MICAL2: variants seen among roughly 807,000 people sequenced by gnomAD.
MICAL2 encodes the protein microtubule associated monooxygenase, calponin and LIM domain containing 2, also known as [F-actin]-monooxygenase MICAL2.
Under a neutral mutation model 127.3 loss-of-function variants are expected in MICAL2, and 77 were observed. The observed-to-expected ratio is 0.60, with a 90% CI of 0.50 to 0.73. The LOEUF (loss-of-function observed/expected upper bound fraction) is 0.73. MICAL2 is among the 30% of genes least tolerant of loss of function. MICAL2 has a pLI of 0.00. For synonymous variants in MICAL2, 570 were observed against 551.1 expected, an observed-to-expected ratio of 1.03 and a Z score of -0.48; for missense variants, 1,351 against 1,434.4, an observed-to-expected ratio of 0.94 and a Z score of 0.94.
chr11:12,205,248 C>T (rs758156751), intron 4 of MICAL2, among the ~76,000 whole-genome samples: 4 of 152,026 alleles, frequency 2.6e-5, no homozygotes, highest in Admixed American at 1.3e-4. Context: ...TCTGTGCAGA[C>T]GGGTTTTGGG....
At chr11:12,285,247 C>T (rs762743110) in intron 2 of MICAL2, among the ~76,000 whole-genome samples, 5 of 152,022 alleles carry the variant, frequency 3.3e-5, no homozygotes, top group Admixed American at 1.3e-4. Flanking sequence ...AACCTCTGAG[C>T]GCAGAGTCTG....
downstream of MICAL2, among the ~76,000 whole-genome samples, chr11:12,291,637 C>G (rs544371004): frequency 6.6e-6 from 1 of 152,348 alleles, no homozygotes; most frequent in East Asian, 1.9e-4. Context: ...TCTCAAACGA[C>G]TCTTCCTGTC....
At chr11:12,114,219 A>G (rs1045671929) in intron 1 of MICAL2, among the ~76,000 whole-genome samples, 4 of 152,168 alleles carry the variant, frequency 2.6e-5, no homozygotes, top group African/African-American at 9.7e-5. Context: ...TTCCTGAGAT[A>G]TTTTAAAGCA....
chr11:12,277,550 A>G (rs1438414679), intron 1 of MICAL2, among the ~76,000 whole-genome samples: 1 of 152,200 alleles, frequency 6.6e-6, no homozygotes, highest in Non-Finnish European at 1.5e-5. Flanking sequence ...AGGGGAATGC[A>G]GGAAGTGACA....
chr11:12,319,673 G>T, intron 29 of MICAL2: 1 of 1,535,582 alleles, frequency 6.5e-7, no homozygotes, highest in Non-Finnish European at 9.0e-7. Flanking sequence ...GCAGTTCATT[G>T]AGTTTTTCTG....
downstream of MICAL2, among the ~76,000 whole-genome samples, chr11:12,292,980 G>A (rs886230506): frequency 6.6e-6 from 1 of 152,174 alleles, no homozygotes; most frequent in African/African-American, 2.4e-5. Flanking sequence ...TTTCTCAGTG[G>A]TGCAATGTGG....
intron 3 of MICAL2, among the ~76,000 whole-genome samples, chr11:12,166,247 G>A (rs1253642814): frequency 6.6e-6 from 1 of 152,228 alleles, no homozygotes; most frequent in Non-Finnish European, 1.5e-5. Flanking sequence ...CTGAGGTCCA[G>A]AAAGCTGAAG....
At chr11:12,287,867 T>C (rs1184088333), downstream of MICAL2, among the ~76,000 whole-genome samples, 1 of 152,088 alleles carries the variant, frequency 6.6e-6, no homozygotes, top group Non-Finnish European at 1.5e-5. Context: ...AGACTCTTCA[T>C]CCAGTTCCAG....
chr11:12,327,451 C>A (rs568091078), intron 32 of MICAL2, among the ~76,000 whole-genome samples: 1 of 152,224 alleles, frequency 6.6e-6, no homozygotes, highest in Non-Finnish European at 1.5e-5. Context: ...TGGCCAAGAT[C>A]AAATGTAAAA....
In MICAL2 at chr11:12,135,381, G is replaced by A. The variant is rs887694768; in HGVS notation, c.-148-3009G>A. ...AGAGAGGTTAAGCAATTTGCCCAAA[G>A]TCACATAGCTAGTTAGGAGGAGAGC... On this transcript the variant is annotated intron_variant, in intron 1 of 27. Transcript: ENST00000683283. 6.6e-5 allele frequency among the ~76,000 whole-genome samples: 10 copies of A among 152,214 alleles called. 1 individual carries two copies. Among genetic ancestry groups the A allele is most frequent in the Middle Eastern group, 3.4e-3 (1 of 294 alleles).
At chr11:12,279,871 A>G (rs1035805529) in intron 1 of MICAL2, among the ~76,000 whole-genome samples, 3 of 152,200 alleles carry the variant, frequency 2.0e-5, no homozygotes, top group Admixed American at 6.5e-5. Context: ...CTGGGGCACC[A>G]TGACCAGCCA....
chr11:12,152,599 A>G (rs991581521), intron 2 of MICAL2, among the ~76,000 whole-genome samples: 1 of 151,988 alleles, frequency 6.6e-6, no homozygotes, highest in African/African-American at 2.4e-5. Context: ...ACAGGTGCAG[A>G]GTGGTGGGGG....
intron 3 of MICAL2, among the ~76,000 whole-genome samples, chr11:12,194,405 G>A (rs967591664): frequency 2.0e-5 from 3 of 152,124 alleles, no homozygotes; most frequent in African/African-American, 7.2e-5. Context: ...TTGCAGTGCG[G>A]GGACCCCTAC....
intron 2 of MICAL2, among the ~76,000 whole-genome samples, chr11:12,159,797 C>T (rs1413562495): frequency 6.6e-6 from 1 of 152,148 alleles, no homozygotes; most frequent in African/African-American, 2.4e-5. Context: ...CTCTGGGTGG[C>T]AACATTGCAC....
intron 15 of MICAL2, among the ~76,000 whole-genome samples, chr11:12,230,276 C>G (rs1339467111): frequency 6.6e-6 from 1 of 152,180 alleles, no homozygotes; most frequent in Admixed American, 6.5e-5. Context: ...CGGTCTGGTC[C>G]TGCACAGCCA....
upstream of MICAL2, among the ~76,000 whole-genome samples, chr11:12,275,117 T>C (rs917072137): frequency 1.3e-5 from 2 of 152,128 alleles, no homozygotes; most frequent in Admixed American, 6.5e-5. Flanking sequence ...CAGTCAAAGA[T>C]GCTGGCGAGG....
downstream of MICAL2, chr11:12,294,128 C>T (rs867011141): frequency 3.1e-6 from 5 of 1,613,826 alleles, no homozygotes; most frequent in Non-Finnish European, 4.2e-6. Context: ...CCTGCTGCTC[C>T]CTAGGGCAGC....
At chr11:12,361,858 G>T (rs1297681020), downstream of MICAL2, among the ~76,000 whole-genome samples, 1 of 152,262 alleles carries the variant, frequency 6.6e-6, no homozygotes, top group Non-Finnish European at 1.5e-5. Flanking sequence ...GGCAGAGGTG[G>T]CAGGGGGCAG....
intron 5 of MICAL2, 113 bp downstream of exon 5, chr11:12,208,252 G>A: frequency 1.2e-6 from 1 of 809,762 alleles, no homozygotes; most frequent in East Asian, 2.5e-5. Flanking sequence ...GGAGCTGGTT[G>A]GCATAATGCC....
Sources: gnomAD v4.1 joint callset for allele counts (sites outside exome capture counted in the v4.1 genomes callset) on GRCh38, gnomAD v4.1.1 for gene constraint, MANE v1.5 for transcripts, NCBI Gene and HGNC (gene_info 2026-07-23, HGNC 2026-07-21) for gene names.